The following CDH13 variants were observed in gnomAD, a reference collection of about 807,000 sequenced individuals.
The protein encoded by CDH13 is cadherin 13.
In CDH13, 24 loss-of-function variants were observed where a neutral mutation model predicts 63.8. That is an observed-to-expected ratio of 0.38 (90% CI 0.27 to 0.53). The LOEUF is 0.53. Ranked by LOEUF, CDH13 falls within the 20% of genes least tolerant of loss-of-function variation. The probability of loss-of-function intolerance (pLI) is 0.85; values close to 1 mark genes in which losing one functional copy is unlikely to be tolerated. For missense variants in CDH13, 1,049 were observed against 903.1 expected (o/e 1.16, Z -2.07); for synonymous variants, 503 against 355.3 (o/e 1.42, Z -4.67).
At chr16:82,768,349 T>C (rs1434220839) in intron 1 of CDH13, among the ~76,000 whole-genome samples, 2 of 152,224 alleles carry the variant, frequency 1.3e-5, no homozygotes, top group African/African-American at 4.8e-5. Flanking sequence ...TTCATTGATA[T>C]TGTGGGACTG....
intron 5 of CDH13, among the ~76,000 whole-genome samples, chr16:83,239,166 G>T (rs1265391843): frequency 6.6e-6 from 1 of 152,132 alleles, no homozygotes. Flanking sequence ...ATTCTTGAGA[G>T]AAATAAAGTG....
intron 1 of CDH13, among the ~76,000 whole-genome samples, chr16:82,835,247 C>T (rs11644513): frequency 0.3 from 45,781 of 152,140 alleles, 8,294 homozygotes; most frequent in East Asian, 0.8. Context: ...AGGGGTTTAA[C>T]AGGCACATGT....
intron 5 of CDH13, among the ~76,000 whole-genome samples, chr16:83,236,636 T>C (rs530473780): frequency 5.3e-5 from 8 of 152,236 alleles, no homozygotes; most frequent in African/African-American, 1.9e-4. Context: ...TCTGTTAACA[T>C]AGTGGTAGCT....
At chr16:83,108,107 C>T (rs2034872001) in intron 3 of CDH13, among the ~76,000 whole-genome samples, 1 of 152,162 alleles carries the variant, frequency 6.6e-6, no homozygotes, top group Non-Finnish European at 1.5e-5. Context: ...AGACATGAGC[C>T]ACCGCGCCCA....
chr16:83,089,939 A>G (rs1299961606), intron 3 of CDH13, among the ~76,000 whole-genome samples: 3 of 152,192 alleles, frequency 2.0e-5, no homozygotes, highest in Admixed American at 6.5e-5. Flanking sequence ...TCTGAGGACC[A>G]TACTTTGCAT....
intron 2 of CDH13, among the ~76,000 whole-genome samples, chr16:82,927,498 A>G (rs1215175045): frequency 6.6e-6 from 1 of 152,172 alleles, no homozygotes; most frequent in African/African-American, 2.4e-5. Flanking sequence ...GGGTATTTAG[A>G]AGACCCAAAA....
At chr16:83,694,877 T>C (rs911511965) in intron 10 of CDH13, among the ~76,000 whole-genome samples, 4 of 152,148 alleles carry the variant, frequency 2.6e-5, no homozygotes, top group Non-Finnish European at 4.4e-5. Context: ...ATCATCCAGA[T>C]AGATGTTTTA....
chr16:83,201,507 C>G (rs187009789), intron 4 of CDH13, among the ~76,000 whole-genome samples: 8 of 152,026 alleles, frequency 5.3e-5, no homozygotes, highest in African/African-American at 1.7e-4. Flanking sequence ...GTGGTAAGGT[C>G]CTGGCGAATT....
At chr16:83,578,305 G>T (rs985461396) in intron 7 of CDH13, among the ~76,000 whole-genome samples, 14 of 152,216 alleles carry the variant, frequency 9.2e-5, no homozygotes, top group Non-Finnish European at 1.8e-4. Flanking sequence ...TTTTCTGGAT[G>T]GGAAAATTTG....
At chr16:82,713,292 G>C (rs1203117494) in intron 1 of CDH13, among the ~76,000 whole-genome samples, 1 of 152,096 alleles carries the variant, frequency 6.6e-6, no homozygotes, top group Non-Finnish European at 1.5e-5. Flanking sequence ...ATGCTCTCCA[G>C]GCAATTCTAT....
intron 5 of CDH13, among the ~76,000 whole-genome samples, chr16:83,268,363 C>T (rs2088689018): frequency 1.3e-5 from 2 of 152,200 alleles, no homozygotes; most frequent in Non-Finnish European, 2.9e-5. Flanking sequence ...ATCCTTAGTT[C>T]TTTTCGCACA....
intron 4 of CDH13, among the ~76,000 whole-genome samples, chr16:83,154,914 G>A (rs1289718417): frequency 1.3e-5 from 2 of 152,108 alleles, no homozygotes; most frequent in Non-Finnish European, 2.9e-5. Flanking sequence ...TTGCAATCTT[G>A]AACTACATGT....
chr16:83,493,912 T>C (rs1422084256), intron 7 of CDH13, among the ~76,000 whole-genome samples: 2 of 152,174 alleles, frequency 1.3e-5, no homozygotes, highest in Non-Finnish European at 2.9e-5. Context: ...TCTAGCCTGA[T>C]GGAGATAAGA....
At position 82,638,823 on chromosome 16, in the gene CDH13, T is replaced by TGTGTGTGTGTGTGTGTGTGTGCGCGC. The variant is rs139451683; in HGVS notation, c.45+11687_45+11688insTGTGTGTGTGTGTGTGTGTGCGCGCG. Among the ~76,000 whole-genome samples the TGTGTGTGTGTGTGTGTGTGTGCGCGC allele has an allele frequency of 3.9e-3, 588 of 150,900 alleles. 3 individuals carry two copies. Among genetic ancestry groups the TGTGTGTGTGTGTGTGTGTGTGCGCGC allele is most frequent in the African/African-American group, 0.012 (479 of 41,048 alleles). ...TGGGAGGCTTTATTAGGGCAGTGTG[T>TGTGTGTGTGTGTGTGTGTGTGCGCGC]GCGTGTGTGCGTTTGTGTGCATGCA... On this transcript the variant is annotated intron_variant, in intron 1 of 13. Coordinates refer to ENST00000567109, the MANE Select transcript of CDH13 (RefSeq NM_001257.5).
At chr16:82,875,304 GA>G (rs1466108833) in intron 2 of CDH13, among the ~76,000 whole-genome samples, 5 of 152,192 alleles carry the variant, frequency 3.3e-5, no homozygotes, top group Non-Finnish European at 7.4e-5. Context: ...ATTATCTGTT[GA>G]AAAGCGTTTT....
chr16:82,873,465 C>A (rs2040408897), intron 2 of CDH13, among the ~76,000 whole-genome samples: 1 of 152,092 alleles, frequency 6.6e-6, no homozygotes, highest in South Asian at 2.1e-4. Flanking sequence ...CCTGTCATTG[C>A]CTCTGAGAAC....
chr16:82,726,165 C>A (rs998243218), intron 1 of CDH13, among the ~76,000 whole-genome samples: 1 of 152,126 alleles, frequency 6.6e-6, no homozygotes, highest in Non-Finnish European at 1.5e-5. Context: ...CATGTGCGCA[C>A]GGTAGGTTAT....
intron 3 of CDH13, among the ~76,000 whole-genome samples, chr16:83,122,334 T>C (rs1197472380): frequency 6.6e-6 from 1 of 150,962 alleles, no homozygotes; most frequent in Non-Finnish European, 1.5e-5. Context: ...CCAGCATGTT[T>C]ATTTTTATGT....
intron 1 of CDH13, chr16:82,727,428 C>T (rs947285609): frequency 8.5e-5 from 13 of 152,104 alleles, no homozygotes; most frequent in African/African-American, 1.7e-4. Flanking sequence ...TAGCAGCCAC[C>T]GCAGCTTCTA....
Sources: allele counts gnomAD v4.1 joint callset (sites outside exome capture counted in the v4.1 genomes callset), GRCh38; gene constraint gnomAD v4.1.1; transcripts MANE v1.5; gene names NCBI Gene and HGNC (gene_info 2026-07-23, HGNC 2026-07-21).